Variants in ASTN1 observed in about 807,000 individuals in gnomAD.
ASTN1 encodes astrotactin-1.
ASTN1 carries 41 observed loss-of-function variants against 140.7 expected under a neutral mutation model. That is an observed-to-expected ratio of 0.29 (90% confidence interval 0.23 to 0.38). The LOEUF is 0.38. ASTN1 is among the 10% of genes least tolerant of loss of function. The probability of loss-of-function intolerance (pLI) is 1.00; values close to 1 mark genes in which losing one functional copy is unlikely to be tolerated. For synonymous variants in ASTN1, 640 were observed against 652.2 expected, an observed-to-expected ratio of 0.98 and a Z score of 0.29; for missense variants, 1,479 against 1,678.8, an observed-to-expected ratio of 0.88 and a Z score of 2.08.
At chr1:177,151,952 T>G (rs1183897359) in intron 1 of ASTN1, among the ~76,000 whole-genome samples, 1 of 152,128 alleles carries the variant, frequency 6.6e-6, no homozygotes, top group Non-Finnish European at 1.5e-5. Context: ...GCCATTGTGC[T>G]TTTTTAGGTT....
intron 1 of ASTN1, among the ~76,000 whole-genome samples, chr1:177,118,384 T>C (rs1402317298): frequency 2.0e-5 from 3 of 152,190 alleles, no homozygotes; most frequent in East Asian, 1.9e-4. Context: ...ATGACTGGCA[T>C]TGATCCTAGG....
At chr1:177,139,274 G>A (rs752529447) in intron 1 of ASTN1, among the ~76,000 whole-genome samples, 3 of 152,192 alleles carry the variant, frequency 2.0e-5, no homozygotes, top group African/African-American at 4.8e-5. Flanking sequence ...ATGAAATAAT[G>A]TAAGTTAGAT....
intron 15 of ASTN1, among the ~76,000 whole-genome samples, chr1:176,935,182 T>C (rs1671387901): frequency 6.6e-6 from 1 of 152,158 alleles, no homozygotes; most frequent in African/African-American, 2.4e-5. Flanking sequence ...CGTACCTGTC[T>C]CCTATTAAGG....
chr1:177,070,004 G>A (rs1345040578), intron 1 of ASTN1, among the ~76,000 whole-genome samples: 1 of 152,106 alleles, frequency 6.6e-6, no homozygotes. Context: ...ATAACAGCAG[G>A]CATTTAATGG....
chr1:177,048,566 T>C (rs1391053868), intron 2 of ASTN1, among the ~76,000 whole-genome samples: 1 of 152,174 alleles, frequency 6.6e-6, no homozygotes, highest in African/African-American at 2.4e-5. Flanking sequence ...ACCTGAGTCA[T>C]TTTAGGGAGG....
At chr1:177,098,469 C>G (rs1353333146) in intron 1 of ASTN1, among the ~76,000 whole-genome samples, 1 of 152,108 alleles carries the variant, frequency 6.6e-6, no homozygotes, top group Non-Finnish European at 1.5e-5. Flanking sequence ...TTCTTATTTT[C>G]TTTTCTGAAC....
intron 1 of ASTN1, among the ~76,000 whole-genome samples, chr1:177,062,232 A>C (rs1230030662): frequency 1.3e-5 from 2 of 151,250 alleles, no homozygotes; most frequent in Non-Finnish European, 2.9e-5. Flanking sequence ...GCTTTACAAA[A>C]TTTTTCTTTT....
chr1:176,929,104 G>C (rs965712093), intron 16 of ASTN1, among the ~76,000 whole-genome samples: 9 of 152,232 alleles, frequency 5.9e-5, no homozygotes, highest in African/African-American at 1.9e-4. Context: ...TGTCATCAGA[G>C]TGGAGGGTAC....
At chr1:177,098,845 G>A (rs1279544680) in intron 1 of ASTN1, among the ~76,000 whole-genome samples, 1 of 152,112 alleles carries the variant, frequency 6.6e-6, no homozygotes, top group Non-Finnish European at 1.5e-5. Context: ...GCTAACTGAC[G>A]ATCGACTGAT....
intron 8 of ASTN1, among the ~76,000 whole-genome samples, chr1:176,996,195 AG>A (rs1047498941): frequency 6.6e-6 from 1 of 152,004 alleles, no homozygotes; most frequent in Non-Finnish European, 1.5e-5. Context: ...AGAAACTGAA[AG>A]TCAGGACAAA....
chr1:176,963,092 G>T (rs1264048757), intron 9 of ASTN1, among the ~76,000 whole-genome samples: 2 of 152,154 alleles, frequency 1.3e-5, no homozygotes, highest in Non-Finnish European at 2.9e-5. Flanking sequence ...GCAGATATTG[G>T]ATCACTTAGA....
chr1:176,874,285 AC>A (rs1366265635), intron 21 of ASTN1, among the ~76,000 whole-genome samples: 2 of 152,162 alleles, frequency 1.3e-5, no homozygotes, highest in East Asian at 3.9e-4. Flanking sequence ...AATTGCAGAG[AC>A]CTTCGAAAGT....
At chr1:177,060,397 T>C (rs976131854) in intron 2 of ASTN1, among the ~76,000 whole-genome samples, 3 of 152,188 alleles carry the variant, frequency 2.0e-5, no homozygotes, top group Non-Finnish European at 2.9e-5. Flanking sequence ...AACTTGGTAG[T>C]GGCAAGCAGC....
Position 177,164,622 on chromosome 1 carries a change from C to T in ASTN1, c.55G>A (p.Val19Met). 3 of 1,608,598 alleles carry T rather than the reference C, an allele frequency of 1.9e-6. No individual in the cohort carries two copies. Among genetic ancestry groups the T allele is most frequent in the Non-Finnish European group, 2.5e-6 (3 of 1,177,650 alleles). ...ACGTCGCCGGCGGCCGTGGCCAGCA[C>T]CGCCGCCGGCCCCCAGCAGCAGGCG... is the stretch of plus-strand genomic sequence containing the variant. The part of the protein sequence containing the change: ...LLACCWGPAA[V>M]LATAAGDVDP... Residue 19 changes from valine (V) to methionine (M), a missense_variant, in exon 1 of 23, where the codon GTG becomes ATG. Around this residue, in one of 3 missense-constraint regions of ASTN1, gnomAD observed 729 missense variants for 860.4 expected, o/e 0.85. Transcript: ENST00000361833.
At chr1:176,951,820 A>G (rs560063521) in intron 11 of ASTN1, among the ~76,000 whole-genome samples, 1 of 152,226 alleles carries the variant, frequency 6.6e-6, no homozygotes, top group Admixed American at 6.5e-5. Context: ...CTTATCAATA[A>G]AGCCAAAAAT....
intron 1 of ASTN1, among the ~76,000 whole-genome samples, chr1:177,072,781 C>T (rs968618678): frequency 6.6e-6 from 1 of 152,156 alleles, no homozygotes; most frequent in African/African-American, 2.4e-5. Flanking sequence ...GAAGTCTATG[C>T]ACCATGTGGC....
chr1:177,097,123 C>A (rs1036417988), intron 1 of ASTN1, among the ~76,000 whole-genome samples: 7 of 152,082 alleles, frequency 4.6e-5, no homozygotes, highest in African/African-American at 1.7e-4. Flanking sequence ...CAGTTTAGAG[C>A]AACCCATACA....
intron 10 of ASTN1, 142 bp downstream of exon 10, chr1:176,958,203 A>C: frequency 7.8e-7 from 1 of 1,284,892 alleles, no homozygotes. Context: ...CCCTGGCACA[A>C]CATAGGGGGA....
intron 8 of ASTN1, among the ~76,000 whole-genome samples, chr1:177,003,542 G>A (rs1674841826): frequency 6.6e-6 from 1 of 152,142 alleles, no homozygotes; most frequent in Admixed American, 6.5e-5. Flanking sequence ...CAGGTGCAGT[G>A]GCTCACGCCT....
Sources: gnomAD v4.1 joint callset for allele counts (sites outside exome capture counted in the v4.1 genomes callset) on GRCh38, gnomAD v4.1.1 for gene constraint, gnomAD v4.1.1 regional missense constraint, MANE v1.5 for transcripts, NCBI Gene and HGNC (gene_info 2026-07-23, HGNC 2026-07-21) for gene names.